The following UBE2E3 variants were observed in gnomAD, a reference collection of about 807,000 sequenced individuals.
UBE2E3 encodes ubiquitin-conjugating enzyme E2 E3.
UBE2E3 carries 5 observed loss-of-function variants against 23.6 expected under a neutral mutation model. The observed-to-expected ratio is 0.21, with a 90% CI of 0.11 to 0.44. UBE2E3 has a LOEUF of 0.44. Among genes scored for constraint, UBE2E3 ranks in the 20% least tolerant of loss-of-function variants. UBE2E3 has a pLI of 0.99. For missense variants in UBE2E3, 81 were observed against 249.8 expected (o/e 0.32, Z 4.55); for synonymous variants, 78 against 87.5 (o/e 0.89, Z 0.60).
intron 3 of UBE2E3, among the ~76,000 whole-genome samples, chr2:180,992,392 A>G (rs1304106045): frequency 2.0e-5 from 3 of 152,228 alleles, no homozygotes; most frequent in Admixed American, 6.5e-5. Context: ...AAGTGCAATT[A>G]GACTATAAAA....
chr2:181,054,843 C>T (rs974012429), intron 3 of UBE2E3, among the ~76,000 whole-genome samples: 2 of 151,560 alleles, frequency 1.3e-5, no homozygotes, highest in Admixed American at 6.6e-5. Flanking sequence ...GGTCTTAGCT[C>T]TGGAGGACTG....
intron 3 of UBE2E3, among the ~76,000 whole-genome samples, chr2:181,011,076 G>A (rs1459726868): frequency 6.6e-6 from 1 of 151,624 alleles, no homozygotes; most frequent in Non-Finnish European, 1.5e-5. Context: ...TTGAGCACAG[G>A]GTCTTGACTT....
At chr2:181,060,638 T>C in intron 4 of UBE2E3, 27 bp from the exon 5 acceptor site, 1 of 1,559,328 alleles carries the variant, frequency 6.4e-7, no homozygotes, top group Non-Finnish European at 8.7e-7. Context: ...TTCATTTTCC[T>C]TCTGTTTTTA....
chr2:181,044,170 T>C (rs569816000), intron 3 of UBE2E3, among the ~76,000 whole-genome samples: 3 of 152,266 alleles, frequency 2.0e-5, no homozygotes, highest in East Asian at 3.9e-4. Flanking sequence ...TTCTGGTCTT[T>C]GGTAGGGCCA....
intron 3 of UBE2E3, among the ~76,000 whole-genome samples, chr2:181,034,163 A>C (rs1008755569): frequency 6.6e-6 from 1 of 152,170 alleles, no homozygotes; most frequent in Non-Finnish European, 1.5e-5. Context: ...TTGACCCACC[A>C]ATCCCATTAC....
intron 3 of UBE2E3, among the ~76,000 whole-genome samples, chr2:180,986,570 G>A (rs1353384363): frequency 1.3e-5 from 2 of 151,996 alleles, no homozygotes; most frequent in Non-Finnish European, 2.9e-5. Flanking sequence ...TTAGCTTTAC[G>A]GTGATTGTAC....
chr2:181,031,285 A>AT lies in UBE2E3; in HGVS notation c.246-26408_246-26407insT, dbSNP rs546770040. Among the ~76,000 whole-genome samples the AT allele has an allele frequency of 1.4e-4, 22 of 152,266 alleles. No homozygotes were observed. The East Asian group carries it at 3.3e-3, about 23-fold the overall frequency. ...ATCATGTTCATTTATTATGTGGTTCAGATATTCTGTATCTTCATTTTTTCC... is the reference window on the plus strand; with the variant it reads ...ATCATGTTCATTTATTATGTGGTTCATGATATTCTGTATCTTCATTTTTTCC... On this transcript the variant is annotated intron_variant, in intron 3 of 5. Coordinates refer to ENST00000410062, the MANE Select transcript of UBE2E3 (RefSeq NM_006357.4).
At chr2:181,049,128 T>G (rs1019199476) in intron 3 of UBE2E3, among the ~76,000 whole-genome samples, 6 of 152,086 alleles carry the variant, frequency 3.9e-5, no homozygotes, top group Non-Finnish European at 7.4e-5. Context: ...TATGTCACCA[T>G]TAGCAGAGAA....
intron 3 of UBE2E3, among the ~76,000 whole-genome samples, chr2:180,985,866 G>A (rs1684450692): frequency 6.6e-6 from 1 of 151,848 alleles, no homozygotes; most frequent in Admixed American, 6.6e-5. Context: ...GAGCCTAGTA[G>A]ACATGTATTA....
At chr2:181,048,400 G>A (rs1428341114) in intron 3 of UBE2E3, among the ~76,000 whole-genome samples, 1 of 152,056 alleles carries the variant, frequency 6.6e-6, no homozygotes, top group Non-Finnish European at 1.5e-5. Context: ...TTTGTATATT[G>A]TTAAAGCTTA....
chr2:181,025,120 C>A (rs1167109084), intron 3 of UBE2E3, among the ~76,000 whole-genome samples: 1 of 151,862 alleles, frequency 6.6e-6, no homozygotes, highest in Non-Finnish European at 1.5e-5. Context: ...GTAAAAAATA[C>A]CAAATAATTT....
At chr2:181,061,559 A>G (rs1300907480) in intron 5 of UBE2E3, among the ~76,000 whole-genome samples, 3 of 151,542 alleles carry the variant, frequency 2.0e-5, no homozygotes, top group Non-Finnish European at 4.4e-5. Context: ...TTTTTAATTA[A>G]TTAGTTATAT....
chr2:181,025,781 A>G (rs1685864344), intron 3 of UBE2E3, among the ~76,000 whole-genome samples: 1 of 151,896 alleles, frequency 6.6e-6, no homozygotes, highest in South Asian at 2.1e-4. Flanking sequence ...AAAAAGAAAA[A>G]TCTGAGTTTC....
chr2:181,028,624 T>G (rs1574198346), intron 3 of UBE2E3, among the ~76,000 whole-genome samples: 1 of 147,282 alleles, frequency 6.8e-6, no homozygotes. Context: ...TTCATCATGG[T>G]TTTAATTTGC....
At chr2:180,988,571 G>A (rs1684554214) in intron 3 of UBE2E3, among the ~76,000 whole-genome samples, 1 of 152,116 alleles carries the variant, frequency 6.6e-6, no homozygotes, top group South Asian at 2.1e-4. Flanking sequence ...ATTTTACTGT[G>A]AATGGGATTA....
intron 3 of UBE2E3, among the ~76,000 whole-genome samples, chr2:180,984,835 TTTCA>T (rs959629149): frequency 5.5e-4 from 83 of 152,254 alleles, no homozygotes; most frequent in African/African-American, 1.9e-3. Context: ...ATTTTTTTCA[TTTCA>T]TTTGTATAGC....
intron 3 of UBE2E3, among the ~76,000 whole-genome samples, chr2:181,008,859 G>A (rs925947129): frequency 4.0e-5 from 6 of 150,716 alleles, no homozygotes; most frequent in South Asian, 2.1e-4. Flanking sequence ...GACAGTGACC[G>A]TGATTCTCTG....
chr2:181,011,435 G>A (rs1185898383), intron 3 of UBE2E3, among the ~76,000 whole-genome samples: 2 of 152,080 alleles, frequency 1.3e-5, no homozygotes, highest in East Asian at 3.9e-4. Context: ...CCGCAGCCCA[G>A]TTACCTCTCA....
chr2:181,014,584 C>CA (rs1685431258), intron 3 of UBE2E3, among the ~76,000 whole-genome samples: 1 of 152,056 alleles, frequency 6.6e-6, no homozygotes, highest in Non-Finnish European at 1.5e-5. Flanking sequence ...TGGAAGAAAA[C>CA]AAAGAGGTTG....
Sources: gnomAD v4.1 joint callset for allele counts (sites outside exome capture counted in the v4.1 genomes callset) on GRCh38, gnomAD v4.1.1 for gene constraint, MANE v1.5 for transcripts, NCBI Gene and HGNC (gene_info 2026-07-23, HGNC 2026-07-21) for gene names.